PREX1: variants seen among roughly 807,000 people sequenced by gnomAD.
The protein encoded by PREX1 is phosphatidylinositol 3,4,5-trisphosphate-dependent Rac exchanger 1 protein.
A neutral mutation model predicts 198.3 loss-of-function variants in PREX1; 41 were observed. The observed-to-expected ratio is 0.21, with a 90% CI of 0.16 to 0.27. The LOEUF (loss-of-function observed/expected upper bound fraction) is 0.27, where lower values mean the gene tolerates loss of function less well. Among genes scored for constraint, PREX1 ranks in the 10% least tolerant of loss-of-function variants. The pLI, the probability that PREX1 is intolerant of heterozygous loss-of-function variation, is 1.00. For synonymous variants in PREX1, 843 were observed against 887.2 expected, an observed-to-expected ratio of 0.95 and a Z score of 0.89; for missense variants, 1,620 against 2,200.7, an observed-to-expected ratio of 0.74 and a Z score of 5.28.
the PREX1 span, among the ~76,000 whole-genome samples, chr20:48,873,163 C>A: frequency 7.8e-4 from 118 of 152,224 alleles, no homozygotes; most frequent in African/African-American, 2.6e-3. Context: ...GTGGGCTACT[C>A]AGGGCATGTT....
At chr20:48,722,241 C>T (rs975759157) in intron 5 of PREX1, among the ~76,000 whole-genome samples, 6 of 152,200 alleles carry the variant, frequency 3.9e-5, no homozygotes, top group Non-Finnish European at 5.9e-5. Flanking sequence ...ATAAACACAA[C>T]GTGGTCCAGC....
In PREX1 at chr20:48,726,763, T is replaced by G. The variant is rs532692941; in HGVS notation, c.520-372A>C. ...TCACCCATTCCTGGTCTAGAGAAGCTTTCACATATACACACCAGGAGACTC... is the reference window on the plus strand; with the variant it reads ...TCACCCATTCCTGGTCTAGAGAAGCGTTCACATATACACACCAGGAGACTC... On this transcript the variant is annotated intron_variant, in intron 4 of 39. Coordinates refer to ENST00000371941, the MANE Select transcript of PREX1 (RefSeq NM_020820.4). 2.0e-5 allele frequency among the ~76,000 whole-genome samples: 3 copies of G among 152,312 alleles called. No homozygotes were observed. The South Asian group carries it at 6.2e-4, about 32-fold the overall frequency.
chr20:48,830,936 A>G (rs776830596), upstream of PREX1, among the ~76,000 whole-genome samples: 1 of 152,246 alleles, frequency 6.6e-6, no homozygotes, highest in Non-Finnish European at 1.5e-5. Flanking sequence ...TTTGGCTGCA[A>G]GGAGAAGAAA....
chr20:48,626,156 C>CAG (rs2089270421), intron 39 of PREX1, among the ~76,000 whole-genome samples: 1 of 152,200 alleles, frequency 6.6e-6, no homozygotes, highest in Admixed American at 6.5e-5. Context: ...CAAATGAAGA[C>CAG]GTGTCTACAG....
At chr20:48,697,867 G>A (rs1274823868) in intron 7 of PREX1, among the ~76,000 whole-genome samples, 8 of 152,074 alleles carry the variant, frequency 5.3e-5, no homozygotes, top group African/African-American at 1.4e-4. Flanking sequence ...TTTTGAATTC[G>A]CCCAGAAGCA....
At chr20:48,759,549 C>CAAAAAAAAAA (rs386393896) in intron 1 of PREX1, among the ~76,000 whole-genome samples, 7 of 73,900 alleles carry the variant, frequency 9.5e-5, no homozygotes, top group African/African-American at 2.4e-4. Context: ...GATTCCATCT[C>CAAAAAAAAAA]AAAAAAAAAA....
At chr20:48,788,908 CG>C (rs1272017215) in intron 1 of PREX1, among the ~76,000 whole-genome samples, 1 of 152,186 alleles carries the variant, frequency 6.6e-6, no homozygotes, top group Non-Finnish European at 1.5e-5. Context: ...CCCCCTGCCA[CG>C]TGATTCCCTA....
chr20:48,806,102 T>C (rs2090410687), intron 1 of PREX1, among the ~76,000 whole-genome samples: 1 of 152,098 alleles, frequency 6.6e-6, no homozygotes, highest in Admixed American at 6.5e-5. Flanking sequence ...TTCATGACAG[T>C]AGCAGGTAGA....
intron 1 of PREX1, among the ~76,000 whole-genome samples, chr20:48,773,345 C>T (rs2090245782): frequency 6.6e-6 from 1 of 151,738 alleles, no homozygotes; most frequent in Non-Finnish European, 1.5e-5. Flanking sequence ...CTCATCCTGG[C>T]ATCTAGCTAC....
At chr20:48,830,847 G>C (rs189282829), upstream of PREX1, among the ~76,000 whole-genome samples, 333 of 152,314 alleles carry the variant, frequency 2.2e-3, no homozygotes, top group Non-Finnish European at 3.7e-3. Context: ...CATGGAGGGT[G>C]CTTAGAGCAC....
chr20:48,860,072 C>T, the PREX1 span, among the ~76,000 whole-genome samples: 1 of 152,162 alleles, frequency 6.6e-6, no homozygotes, highest in Non-Finnish European at 1.5e-5. Flanking sequence ...GATATTTGTG[C>T]AACAGTGTTC....
chr20:48,821,095 G>A (rs996208928), intron 1 of PREX1, among the ~76,000 whole-genome samples: 10 of 152,112 alleles, frequency 6.6e-5, no homozygotes, highest in African/African-American at 1.9e-4. Flanking sequence ...CCAGCTATTC[G>A]GGAGGATGAG....
chr20:48,754,666 G>A (rs2090148982), intron 1 of PREX1, among the ~76,000 whole-genome samples: 1 of 147,758 alleles, frequency 6.8e-6, no homozygotes, highest in Admixed American at 6.8e-5. Flanking sequence ...ACTTGAGAGG[G>A]CCAGGGTATG....
At chr20:48,808,321 G>A (rs148234233) in intron 1 of PREX1, among the ~76,000 whole-genome samples, 1 of 152,292 alleles carries the variant, frequency 6.6e-6, no homozygotes, top group African/African-American at 2.4e-5. Context: ...AGCTCATGCA[G>A]TTCATCCCCA....
intron 1 of PREX1, among the ~76,000 whole-genome samples, chr20:48,807,316 C>G (rs2090416173): frequency 6.6e-6 from 1 of 151,170 alleles, no homozygotes; most frequent in Non-Finnish European, 1.5e-5. Context: ...GTTTTTTTTT[C>G]TCTACAAAAT....
chr20:48,745,656 G>A (rs962905233), intron 2 of PREX1, among the ~76,000 whole-genome samples: 2 of 152,224 alleles, frequency 1.3e-5, no homozygotes, highest in Non-Finnish European at 2.9e-5. Flanking sequence ...GAAATACGCT[G>A]TCTAAACTCT....
rs117642905 is a variant in PREX1, at chr20:48,649,716, T to C, written c.3029-140A>G. Reference sequence around the variant, plus strand: ...TTCTAAATACTCTTAATTCATTCAGTTACTTCAAGAAGACTGTTCCAGTCT... The same window carrying C: ...TTCTAAATACTCTTAATTCATTCAGCTACTTCAAGAAGACTGTTCCAGTCT... On this transcript the variant is annotated intron_variant, in intron 24 of 39. Transcript: ENST00000371941. The C allele has an allele frequency of 1.0e-3, 1,169 of 1,121,096 alleles. 12 individuals are homozygous for C. In the South Asian group the frequency reaches 0.013, roughly 12 times the overall value. 69.4% of individuals were successfully genotyped at this position (1,121,096 alleles called of 1,614,324 possible).
the PREX1 span, among the ~76,000 whole-genome samples, chr20:48,836,683 G>A: frequency 6.6e-6 from 1 of 152,102 alleles, no homozygotes; most frequent in Non-Finnish European, 1.5e-5. Flanking sequence ...GGGAGGCCAT[G>A]GTGGGAAGAT....
chr20:48,837,027 A>G, the PREX1 span, among the ~76,000 whole-genome samples: 1 of 152,088 alleles, frequency 6.6e-6, no homozygotes, highest in African/African-American at 2.4e-5. Context: ...TTCCCCCACC[A>G]TCTAACCTTA....
Sources: allele counts gnomAD v4.1 joint callset (sites outside exome capture counted in the v4.1 genomes callset), GRCh38; gene constraint gnomAD v4.1.1; transcripts MANE v1.5; gene names NCBI Gene and HGNC (gene_info 2026-07-23, HGNC 2026-07-21).